ZFHX4: variants seen among roughly 807,000 people sequenced by gnomAD.
ZFHX4 encodes the protein zinc finger homeobox 4.
In ZFHX4, 56 loss-of-function variants were observed where a neutral mutation model predicts 267.6. The observed-to-expected ratio is 0.21, with a 90% CI of 0.17 to 0.26. ZFHX4 has a LOEUF of 0.26. ZFHX4 is among the 10% of genes least tolerant of loss of function. The pLI is 1.00. For missense variants in ZFHX4, 4,332 were observed against 4,420.0 expected, an observed-to-expected ratio of 0.98 and a Z score of 0.56; for synonymous variants, 1,778 against 1,665.6, an observed-to-expected ratio of 1.07 and a Z score of -1.64.
chr8:76,691,859 C>A (rs1459319410), intron 1 of ZFHX4, among the ~76,000 whole-genome samples: 1 of 152,038 alleles, frequency 6.6e-6, no homozygotes, highest in Non-Finnish European at 1.5e-5. Context: ...GTTTCAAAGT[C>A]ATGATCAACT....
chr8:76,692,536 G>A (rs1410917898), intron 1 of ZFHX4, among the ~76,000 whole-genome samples: 1 of 151,896 alleles, frequency 6.6e-6, no homozygotes, highest in Non-Finnish European at 1.5e-5. Flanking sequence ...CAACTTATGG[G>A]TCTCCACCTG....
intron 4 of ZFHX4, among the ~76,000 whole-genome samples, chr8:76,784,054 A>G (rs1180527362): frequency 1.3e-5 from 2 of 151,910 alleles, no homozygotes; most frequent in African/African-American, 4.8e-5. Context: ...TATTTATGTT[A>G]TTGTCTGTGC....
At chr8:76,837,757 G>T (rs756171812) in intron 5 of ZFHX4, among the ~76,000 whole-genome samples, 2 of 152,092 alleles carry the variant, frequency 1.3e-5, no homozygotes, top group African/African-American at 2.4e-5. Flanking sequence ...CAGCAAGTAG[G>T]CAATATACAG....
intron 4 of ZFHX4, among the ~76,000 whole-genome samples, chr8:76,798,185 A>G (rs753449621): frequency 1.3e-5 from 2 of 152,156 alleles, no homozygotes; most frequent in African/African-American, 2.4e-5. Context: ...ACTGTGGTTC[A>G]GTAATTATCC....
chr8:76,698,643 A>T (rs1808019396), intron 1 of ZFHX4, among the ~76,000 whole-genome samples: 1 of 152,120 alleles, frequency 6.6e-6, no homozygotes, highest in African/African-American at 2.4e-5. Context: ...ACAGAGAAGA[A>T]AACAAATCTT....
chr8:76,694,027 T>C (rs1807890454), intron 1 of ZFHX4, among the ~76,000 whole-genome samples: 1 of 152,178 alleles, frequency 6.6e-6, no homozygotes, highest in African/African-American at 2.4e-5. Context: ...GCACTTTACC[T>C]CAAAGCCTGA....
chr8:76,866,840 AG>A lies in ZFHX4; in HGVS notation c.*2278del, dbSNP rs1362875952. 5 of 152,518 alleles carry A rather than the reference AG, an allele frequency of 3.3e-5. No individual in the cohort carries two copies. The highest frequency in any genetic ancestry group is 7.4e-5 in the Non-Finnish European group (5 of 68,018). 9.4% of individuals were successfully genotyped at this position (152,518 alleles called of 1,614,324 possible). A position where few individuals can be genotyped will look rare whatever the true frequency, so the allele number is the denominator to read the frequency against. On this transcript the variant is annotated 3_prime_UTR_variant, in exon 11 of 11. Coordinates refer to ENST00000651372, the MANE Select transcript of ZFHX4 (RefSeq NM_024721.5). ...AAACTTTAACTGGATGGACGTTGTT[AG>A]GGTGAGAAATAAAAGGACAGCCTCC...
chr8:76,793,323 A>AT (rs35196987), intron 4 of ZFHX4, among the ~76,000 whole-genome samples: 30,776 of 152,106 alleles, frequency 0.2, 3,969 homozygotes, highest in African/African-American at 0.36. Flanking sequence ...ACTTAAAATT[A>AT]TTTAAATCAT....
At chr8:76,718,737 T>C (rs2131635408) in intron 3 of ZFHX4, among the ~76,000 whole-genome samples, 1 of 152,100 alleles carries the variant, frequency 6.6e-6, no homozygotes, top group South Asian at 2.1e-4. Context: ...AATGAGAAAA[T>C]CTCTTCCTGA....
chr8:76,803,739 A>T (rs1811177821), intron 4 of ZFHX4, among the ~76,000 whole-genome samples: 1 of 152,172 alleles, frequency 6.6e-6, no homozygotes, highest in Non-Finnish European at 1.5e-5. Flanking sequence ...TAAACAAGAA[A>T]GCCACAAATA....
intron 6 of ZFHX4, among the ~76,000 whole-genome samples, chr8:76,845,574 T>G (rs1812343608): frequency 6.6e-6 from 1 of 152,078 alleles, no homozygotes; most frequent in Non-Finnish European, 1.5e-5. Flanking sequence ...TTTTATAGTA[T>G]TCAAACTTTA....
chr8:76,778,524 C>T (rs879551761), intron 4 of ZFHX4, 85 bp downstream of exon 4: 5 of 1,123,210 alleles, frequency 4.5e-6, no homozygotes, highest in Non-Finnish European at 5.3e-6. Flanking sequence ...CACACACACA[C>T]GCCTCAAACT....
chr8:76,762,858 C>T (rs886995385), intron 3 of ZFHX4, among the ~76,000 whole-genome samples: 6 of 152,132 alleles, frequency 3.9e-5, no homozygotes, highest in Admixed American at 6.6e-5. Flanking sequence ...AAAGCAATTG[C>T]CACTTGCCAA....
At position 76,863,229 on chromosome 8, in the gene ZFHX4, C is replaced by T. The variant is rs1412426282; in HGVS notation, c.9515C>T (p.Pro3172Leu). Reference sequence around the variant, plus strand: ...CCTCCACCACCTCCTCCTCCTCCTCCTCCTTCATCCTCTCTGTCAGGACAG... The same window carrying T: ...CCTCCACCACCTCCTCCTCCTCCTCTTCCTTCATCCTCTCTGTCAGGACAG... ...PPPPPPPPPP[P>L]PSSSLSGQQT... Residue 3172 changes from proline to leucine, a missense_variant, in exon 11 of 11, where the codon CCT (proline) becomes CTT (leucine). Around this residue, in one of 7 missense-constraint regions of ZFHX4, gnomAD observed 1,648 missense variants for 1,625.0 expected, o/e 1.01. Transcript: ENST00000651372. 1.3e-6 allele frequency: 2 copies of T among 1,587,996 alleles called. No homozygotes were observed. The highest frequency in any genetic ancestry group is 3.7e-5 in the Admixed American group (2 of 54,682).
At chr8:76,682,593 G>A (rs796205683) in intron 1 of ZFHX4, 1 of 152,310 alleles carries the variant, frequency 6.6e-6, no homozygotes, top group African/African-American at 2.4e-5. Flanking sequence ...AACGCCGCCG[G>A]GTGTGCGTTA....
At chr8:76,768,649 C>T (rs569048983) in intron 3 of ZFHX4, among the ~76,000 whole-genome samples, 307 of 152,106 alleles carry the variant, frequency 2.0e-3, no homozygotes, top group African/African-American at 7.0e-3. Flanking sequence ...ACTAAAAGGA[C>T]GGATGATGAA....
At chr8:76,743,007 ACT>A (rs1809361475) in intron 3 of ZFHX4, among the ~76,000 whole-genome samples, 1 of 152,212 alleles carries the variant, frequency 6.6e-6, no homozygotes, top group Non-Finnish European at 1.5e-5. Flanking sequence ...TTCTTCAAGG[ACT>A]TGAGTAAGAA....
chr8:76,689,116 A>G (rs1389868536), intron 1 of ZFHX4, among the ~76,000 whole-genome samples: 1 of 152,168 alleles, frequency 6.6e-6, no homozygotes, highest in Non-Finnish European at 1.5e-5. Flanking sequence ...TTTTATGGTT[A>G]ACTTTATGAT....
At chr8:76,841,176 A>G (rs1812223590) in intron 5 of ZFHX4, among the ~76,000 whole-genome samples, 1 of 152,118 alleles carries the variant, frequency 6.6e-6, no homozygotes, top group Admixed American at 6.6e-5. Flanking sequence ...TCTTATTTTG[A>G]ATGTATTAAA....
Sources: gnomAD v4.1 joint callset for allele counts (sites outside exome capture counted in the v4.1 genomes callset) on GRCh38, gnomAD v4.1.1 for gene constraint, gnomAD v4.1.1 regional missense constraint, MANE v1.5 for transcripts, NCBI Gene and HGNC (gene_info 2026-07-23, HGNC 2026-07-21) for gene names.